TNFAIP8: variants seen among roughly 807,000 people sequenced by gnomAD.
The protein encoded by TNFAIP8 is TNF alpha induced protein 8.
TNFAIP8 carries 7 observed loss-of-function variants against 13.3 expected under a neutral mutation model. That is an observed-to-expected ratio of 0.52 (90% CI 0.30 to 0.99). TNFAIP8 has a LOEUF of 0.99. Among genes scored for constraint, TNFAIP8 ranks in the 50% least tolerant of loss-of-function variants. TNFAIP8 has a pLI of 0.07. For missense variants in TNFAIP8, 258 were observed against 236.9 expected (o/e 1.09, Z -0.58); for synonymous variants, 94 against 87.6 (o/e 1.07, Z -0.41).
chr5:119,275,112 A>C (rs942441331), intron 1 of TNFAIP8, among the ~76,000 whole-genome samples: 1 of 152,086 alleles, frequency 6.6e-6, no homozygotes, highest in Non-Finnish European at 1.5e-5. Flanking sequence ...TAAAATAAAC[A>C]CAACATATAA....
At chr5:119,346,367 G>A (rs974182545) in intron 1 of TNFAIP8, among the ~76,000 whole-genome samples, 2 of 152,092 alleles carry the variant, frequency 1.3e-5, no homozygotes, top group Admixed American at 6.5e-5. Context: ...AGAGTGTACC[G>A]GAACCAGGAA....
At chr5:119,359,187 C>G (rs566311595) in intron 1 of TNFAIP8, among the ~76,000 whole-genome samples, 3 of 152,204 alleles carry the variant, frequency 2.0e-5, no homozygotes, top group African/African-American at 7.2e-5. Flanking sequence ...CAGCCCATAT[C>G]CTTCCTGGCT....
chr5:119,348,726 C>A (rs1751000816), intron 1 of TNFAIP8, among the ~76,000 whole-genome samples: 1 of 151,832 alleles, frequency 6.6e-6, no homozygotes, highest in African/African-American at 2.4e-5. Flanking sequence ...ACTAAAAATA[C>A]AAAATTAGCC....
At chr5:119,301,796 C>T (rs1014684957) in intron 1 of TNFAIP8, among the ~76,000 whole-genome samples, 2 of 152,202 alleles carry the variant, frequency 1.3e-5, no homozygotes, top group Non-Finnish European at 2.9e-5. Flanking sequence ...ACCAGAAACG[C>T]AGTCCTATTT....
chr5:119,301,900 A>G (rs1324921879), intron 1 of TNFAIP8, among the ~76,000 whole-genome samples: 4 of 152,150 alleles, frequency 2.6e-5, no homozygotes, highest in South Asian at 4.1e-4. Flanking sequence ...ACTTTTTTGT[A>G]TTGGGGAAGA....
At position 119,388,921 on chromosome 5, in the gene TNFAIP8, G is replaced by C. The variant is rs777517374; in HGVS notation, c.32-3895G>C. Reference sequence around the variant, plus strand: ...ATCCTCCTAAAGTGCTGGGATTACAGGTGTGAGCCACTGCGCCCGGCCCCA... The same window carrying C: ...ATCCTCCTAAAGTGCTGGGATTACACGTGTGAGCCACTGCGCCCGGCCCCA... On this transcript the variant is annotated intron_variant, in intron 1 of 1. Coordinates refer to ENST00000504771, the MANE Select transcript of TNFAIP8 (RefSeq NM_014350.4). Among the ~76,000 whole-genome samples, 90 of 152,160 alleles carry C rather than the reference G, an allele frequency of 5.9e-4. 2 individuals are homozygous for C. The highest frequency in any genetic ancestry group is 2.1e-4 in the South Asian group (1 of 4,820).
chr5:119,312,549 C>G (rs1441171591), intron 1 of TNFAIP8, among the ~76,000 whole-genome samples: 2 of 151,688 alleles, frequency 1.3e-5, no homozygotes, highest in African/African-American at 4.8e-5. Flanking sequence ...TCAAATGACA[C>G]CGCCAGAGGG....
chr5:119,289,814 A>G (rs533370479), intron 1 of TNFAIP8, among the ~76,000 whole-genome samples: 1 of 152,254 alleles, frequency 6.6e-6, no homozygotes, highest in African/African-American at 2.4e-5. Flanking sequence ...ATCTCTCTAT[A>G]TTTTTGGCAG....
chr5:119,324,274 C>CAAAAAAAAAAAAAAA (rs56104829), intron 1 of TNFAIP8, among the ~76,000 whole-genome samples: 5 of 77,682 alleles, frequency 6.4e-5, no homozygotes, highest in Non-Finnish European at 1.0e-4. Context: ...GACGCCATCT[C>CAAAAAAAAAAAAAAA]AAAAAAAAAA....
intron 1 of TNFAIP8, among the ~76,000 whole-genome samples, chr5:119,318,796 C>T (rs1409959991): frequency 6.6e-6 from 1 of 151,164 alleles, no homozygotes; most frequent in East Asian, 2.0e-4. Flanking sequence ...CATTTCAGAA[C>T]CTACCATGTG....
At chr5:119,286,621 CA>C (rs11302326) in intron 1 of TNFAIP8, among the ~76,000 whole-genome samples, 104,427 of 127,498 alleles carry the variant, frequency 0.82, 42,343 homozygotes, top group East Asian at 0.94. Context: ...GACTCCCTCT[CA>C]AAAAAAAAAA....
Position 119,364,509 on chromosome 5 carries a change from G to T in TNFAIP8, c.31+8388G>T, listed in dbSNP as rs541438240. On this transcript the variant is annotated intron_variant, in intron 1 of 1. Coordinates refer to ENST00000504771, the MANE Select transcript of TNFAIP8 (RefSeq NM_014350.4). The stretch of plus-strand genomic sequence containing the variant: ...ACTACAGGTGCATACCACCTGCCCA[G>T]CTAATTTTTAAATTGTTTTGTAGAG... Among the ~76,000 whole-genome samples the T allele has an allele frequency of 3.4e-4, 52 of 152,170 alleles. 1 individual carries two copies. Among genetic ancestry groups the T allele is most frequent in the African/African-American group, 1.1e-3 (46 of 41,524 alleles).
At chr5:119,349,000 T>G (rs1326956514) in intron 1 of TNFAIP8, among the ~76,000 whole-genome samples, 1 of 152,100 alleles carries the variant, frequency 6.6e-6, no homozygotes, top group East Asian at 1.9e-4. Context: ...GAAGGAAGGC[T>G]GAGGATGCCT....
chr5:119,367,532 T>A (rs1218101478), intron 1 of TNFAIP8, among the ~76,000 whole-genome samples: 1 of 152,238 alleles, frequency 6.6e-6, no homozygotes, highest in Non-Finnish European at 1.5e-5. Flanking sequence ...CCCTATCTTG[T>A]GAACTAGTTA....
intron 1 of TNFAIP8, among the ~76,000 whole-genome samples, chr5:119,285,790 C>G (rs1050912155): frequency 1.3e-5 from 2 of 152,190 alleles, no homozygotes; most frequent in African/African-American, 4.8e-5. Flanking sequence ...AAATATGCAT[C>G]AGCTGCTTAC....
At chr5:119,380,328 C>G (rs1752441948) in intron 1 of TNFAIP8, among the ~76,000 whole-genome samples, 1 of 152,232 alleles carries the variant, frequency 6.6e-6, no homozygotes, top group Non-Finnish European at 1.5e-5. Flanking sequence ...TTGATGCCAG[C>G]TGTGGGTCTG....
At chr5:119,352,789 A>G (rs1396338026), upstream of TNFAIP8, among the ~76,000 whole-genome samples, 1 of 152,190 alleles carries the variant, frequency 6.6e-6, no homozygotes, top group African/African-American at 2.4e-5. Context: ...TTCAGTCGAG[A>G]GTTGGTGTTA....
Position 119,275,504 on chromosome 5 carries a change from T to G in TNFAIP8, c.1+6597T>G, listed in dbSNP as rs113118661. On this transcript the variant is annotated intron_variant, in intron 1 of 1. Coordinates refer to the TNFAIP8 transcript ENST00000274456. ...ACTCGGAGTTGCCAAGCGGACCGTT[T>G]CCCCTAACCCAGGCCTGTTTCCTGT... 3.2e-3 allele frequency among the ~76,000 whole-genome samples: 480 copies of G among 152,258 alleles called. 3 individuals are homozygous for G. The highest frequency in any genetic ancestry group is 0.011 in the African/African-American group (458 of 41,528).
chr5:119,298,205 T>A (rs1471911687), intron 1 of TNFAIP8, among the ~76,000 whole-genome samples: 12 of 151,966 alleles, frequency 7.9e-5, no homozygotes, highest in Non-Finnish European at 1.8e-4. Context: ...CTAGCCTCGA[T>A]GGTCTTTACA....
Sources: gnomAD v4.1 joint callset for allele counts (sites outside exome capture counted in the v4.1 genomes callset) on GRCh38, gnomAD v4.1.1 for gene constraint, MANE v1.5 for transcripts, NCBI Gene and HGNC (gene_info 2026-07-23, HGNC 2026-07-21) for gene names.